The following DAB1 variants were observed in gnomAD, a reference collection of about 807,000 sequenced individuals.
DAB1 encodes DAB adaptor protein 1.
DAB1 carries 15 observed loss-of-function variants against 64.6 expected under a neutral mutation model. The observed-to-expected ratio is 0.23, with a 90% CI of 0.16 to 0.36. DAB1 has a LOEUF of 0.36. Among genes scored for constraint, DAB1 ranks in the 10% least tolerant of loss-of-function variants. DAB1 has a pLI of 1.00. For synonymous variants in DAB1, 235 were observed against 251.9 expected, an observed-to-expected ratio of 0.93 and a Z score of 0.64; for missense variants, 596 against 706.7, an observed-to-expected ratio of 0.84 and a Z score of 1.78.
intron 2 of DAB1, among the ~76,000 whole-genome samples, chr1:58,517,827 A>T (rs892380372): frequency 2.0e-5 from 3 of 151,990 alleles, no homozygotes; most frequent in Admixed American, 2.0e-4. Context: ...GGGATTGGTC[A>T]GGTGAGAAAG....
rs530790568 is a variant in DAB1 at position 57,309,710 on chromosome 1, C to A, written c.-136-18544G>T. Among the ~76,000 whole-genome samples the A allele has an allele frequency of 5.3e-5, 8 of 151,792 alleles. No homozygotes were observed. The South Asian group carries it at 1.7e-3, about 32-fold the overall frequency. On this transcript the variant is annotated intron_variant, in intron 1 of 14. Transcript: ENST00000371236. The stretch of plus-strand genomic sequence containing the variant: ...TTAATTTCTAGTAAAGAGCTCTACT[C>A]AGAGATGAAAAAAAAATTAAGTTAA...
At chr1:58,280,380 A>G (rs947518395) in intron 4 of DAB1, among the ~76,000 whole-genome samples, 5 of 152,242 alleles carry the variant, frequency 3.3e-5, no homozygotes, top group Non-Finnish European at 7.3e-5. Context: ...GCACTTTGGC[A>G]ATAAATAGAC....
At chr1:57,467,992 A>C (rs1232236504) in intron 7 of DAB1, among the ~76,000 whole-genome samples, 1 of 152,190 alleles carries the variant, frequency 6.6e-6, no homozygotes, top group Non-Finnish European at 1.5e-5. Flanking sequence ...CTTGGAATAG[A>C]CACTATTCCT....
intron 3 of DAB1, among the ~76,000 whole-genome samples, chr1:58,344,577 C>G (rs1213653): frequency 0.68 from 102,822 of 152,030 alleles, 36,247 homozygotes; most frequent in African/African-American, 0.88. Context: ...CTACAAAATG[C>G]GGAGAAGAAC....
At chr1:57,792,049 T>C (rs2101859681) in intron 6 of DAB1, among the ~76,000 whole-genome samples, 1 of 152,326 alleles carries the variant, frequency 6.6e-6, no homozygotes, top group Middle Eastern at 3.4e-3. Flanking sequence ...TCCTTGTCTA[T>C]AAATTACACT....
chr1:57,981,691 T>C lies in DAB1; in HGVS notation n.388-97529A>G, dbSNP rs552329214. The stretch of plus-strand genomic sequence containing the variant: ...AGTATCATGGATATCCTGAATGACA[T>C]GGCAAAAATCACATCATAATTGTCC... On this transcript the variant is annotated intron_variant and non_coding_transcript_variant, in intron 5 of 20. Transcript: ENST00000485760. 3.9e-5 allele frequency among the ~76,000 whole-genome samples: 6 copies of C among 152,308 alleles called. No homozygotes were observed. The South Asian group carries it at 8.3e-4, about 21-fold the overall frequency.
At chr1:57,662,279 T>C (rs1646396053) in intron 6 of DAB1, among the ~76,000 whole-genome samples, 1 of 152,156 alleles carries the variant, frequency 6.6e-6, no homozygotes, top group Admixed American at 6.5e-5. Flanking sequence ...CACCGCAACC[T>C]CCACCTCCCG....
At chr1:57,290,880 AT>A (rs1392439807) in intron 2 of DAB1, 83 bp downstream of exon 2, 47 of 763,508 alleles carry the variant, frequency 6.2e-5, no homozygotes, top group Non-Finnish European at 8.4e-5. Context: ...TCATAAAGAT[AT>A]TTCTTTATAT....
In DAB1 at chr1:57,947,224, A is replaced by T. The variant is rs143151653; in HGVS notation, n.388-63062T>A. On this transcript the variant is annotated intron_variant and non_coding_transcript_variant, in intron 5 of 20. Coordinates refer to the DAB1 transcript ENST00000485760. ...CAAAATTTGAGCCCAGTGTCATCTG[A>T]CTCCAAAGCATGTGATCTTCATACT... Among the ~76,000 whole-genome samples, 61 of 152,176 alleles carry T rather than the reference A, an allele frequency of 4.0e-4. 1 individual carries two copies. The highest frequency in any genetic ancestry group is 3.1e-3 in the Admixed American group (47 of 15,266).
intron 4 of DAB1, among the ~76,000 whole-genome samples, chr1:58,328,465 G>A (rs944180135): frequency 3.3e-5 from 5 of 152,162 alleles, no homozygotes; most frequent in African/African-American, 1.2e-4. Context: ...TGGCTGCACT[G>A]CAGGCGATGT....
chr1:57,312,175 G>T (rs116245204), intron 1 of DAB1, among the ~76,000 whole-genome samples: 3,818 of 152,244 alleles, frequency 0.025, 168 homozygotes, highest in African/African-American at 0.088. Context: ...TTAACTTGGG[G>T]TCTCTCCCTT....
chr1:57,444,713 A>C (rs1165346036), intron 7 of DAB1, among the ~76,000 whole-genome samples: 1 of 152,188 alleles, frequency 6.6e-6, no homozygotes, highest in Non-Finnish European at 1.5e-5. Context: ...GTATGGCCAC[A>C]AACCAAGGAA....
chr1:57,908,959 G>A (rs1644599852), intron 5 of DAB1, among the ~76,000 whole-genome samples: 2 of 148,136 alleles, frequency 1.4e-5, no homozygotes, highest in Admixed American at 7.0e-5. Context: ...TGGGAACCAG[G>A]TCTATTTTCC....
rs149056399 is a variant in DAB1 at position 57,637,453 on chromosome 1, G to A, written n.625+12139C>T. Among the ~76,000 whole-genome samples the A allele has an allele frequency of 8.5e-5, 13 of 152,334 alleles. No homozygotes were observed. The East Asian group carries it at 2.3e-3, about 27-fold the overall frequency. On this transcript the variant is annotated intron_variant and non_coding_transcript_variant, in intron 7 of 20. Coordinates refer to the DAB1 transcript ENST00000485760. ...GAGGCACCAGCTGATCTGGGTTTGA[G>A]CAGAGTGGTGGGTATATGCAGGTGT...
At chr1:57,263,570 A>T (rs530856205) in intron 2 of DAB1, among the ~76,000 whole-genome samples, 51 of 152,286 alleles carry the variant, frequency 3.3e-4, no homozygotes, top group African/African-American at 1.2e-3. Context: ...TATTAGGAGA[A>T]GTAGTAGCAG....
At chr1:57,149,188 T>C (rs1659430321) in intron 2 of DAB1, among the ~76,000 whole-genome samples, 1 of 152,220 alleles carries the variant, frequency 6.6e-6, no homozygotes, top group East Asian at 1.9e-4. Flanking sequence ...AATGCTTTTT[T>C]TGCTGAATAT....
chr1:57,385,110 G>C lies in DAB1; in HGVS notation c.-137+38820C>G, dbSNP rs114394369. On this transcript the variant is annotated intron_variant, in intron 1 of 14. Transcript: ENST00000371236. ...GGATGTCTGCCCAGGATCAACAGCA[G>C]CAGCAGGACACAGCTGCTCAGTCTC... 4.3e-3 allele frequency among the ~76,000 whole-genome samples: 657 copies of C among 152,284 alleles called. 2 individuals are homozygous for C. Among genetic ancestry groups the C allele is most frequent in the African/African-American group, 0.014 (601 of 41,538 alleles).
intron 7 of DAB1, among the ~76,000 whole-genome samples, chr1:57,471,487 C>T (rs1211023656): frequency 6.6e-6 from 1 of 152,166 alleles, no homozygotes; most frequent in Non-Finnish European, 1.5e-5. Context: ...TGTGTCCCCA[C>T]CCAAATCTCA....
intron 5 of DAB1, 40 bp downstream of exon 5, chr1:57,072,243 G>T: frequency 6.2e-7 from 1 of 1,609,238 alleles, no homozygotes; most frequent in Non-Finnish European, 8.5e-7. Flanking sequence ...TCCCCCCAGA[G>T]TTCCAAGGAA....
Sources: gnomAD v4.1 joint callset for allele counts (sites outside exome capture counted in the v4.1 genomes callset) on GRCh38, gnomAD v4.1.1 for gene constraint, MANE v1.5 for transcripts, NCBI Gene and HGNC (gene_info 2026-07-23, HGNC 2026-07-21) for gene names.